The following NHSL1 variants were observed in gnomAD, a reference collection of about 807,000 sequenced individuals.
NHSL1 encodes NHS-like protein 1.
NHSL1 carries 48 observed loss-of-function variants against 95.0 expected under a neutral mutation model. That is an observed-to-expected ratio of 0.51 (90% CI 0.40 to 0.64). The LOEUF is 0.64. Among genes scored for constraint, NHSL1 ranks in the 30% least tolerant of loss-of-function variants. The pLI, the probability that NHSL1 is intolerant of heterozygous loss-of-function variation, is 0.00. For synonymous variants in NHSL1, 783 were observed against 833.9 expected, an observed-to-expected ratio of 0.94 and a Z score of 1.05; for missense variants, 1,971 against 2,077.7, an observed-to-expected ratio of 0.95 and a Z score of 1.00.
Position 138,431,218 on chromosome 6 carries a change from G to T in NHSL1, c.3127C>A (p.Gln1043Lys). ...AAGGATCCCCGGGAGGATTCTGGCT[G>T]GCCAGAATTTGTGAAAGGCGGCCTG... Reference protein sequence around the residue: ...DTRPPFTNSGQPESSRGSLRP... With the variant: ...DTRPPFTNSGKPESSRGSLRP... The change falls in exon 6 of 8, where the codon CAG (glutamine) becomes AAG (lysine). Residue 1043 changes from glutamine to lysine, a missense_variant. Physicochemically the swap from Gln to Lys is moderately conservative, Grantham distance 53 (BLOSUM62 1). Transcript: ENST00000343505. This position sits in a 1 kb window ranked among gnomAD's most constrained non-coding sequence, Gnocchi z 4.0. 6.5e-7 allele frequency: 1 copy of T among 1,529,544 alleles called. No homozygotes were observed. Among genetic ancestry groups the T allele is most frequent in the South Asian group, 1.2e-5 (1 of 81,520 alleles). 94.7% of individuals were successfully genotyped at this position (1,529,544 alleles called of 1,614,324 possible).
At chr6:138,492,178 A>G (rs1780116951) in intron 2 of NHSL1, among the ~76,000 whole-genome samples, 1 of 152,224 alleles carries the variant, frequency 6.6e-6, no homozygotes, top group Non-Finnish European at 1.5e-5. Context: ...TCCAAATGCC[A>G]TTTTACACAT....
intron 1 of NHSL1, among the ~76,000 whole-genome samples, chr6:138,570,886 C>T (rs1259889332): frequency 1.3e-5 from 2 of 152,360 alleles, no homozygotes; most frequent in East Asian, 3.9e-4. Flanking sequence ...CCCTACTGGG[C>T]TTTGCCCACT....
rs141195256 is a variant in NHSL1, at chr6:138,525,528, AAAATAAATAAATAAATAAAT to A, written c.16+20075_16+20094del. ...GAACAACGAAGTGAGACCTTGTCTCAAAATAAATAAATAAATAAATAAATAAATAAATAAATAAATAAATA... is the reference window on the plus strand; with the variant it reads ...GAACAACGAAGTGAGACCTTGTCTCAAAATAAATAAATAAATAAATAAATA... On this transcript the variant is annotated intron_variant, in intron 1 of 4. Transcript: ENST00000342260. 9.7e-4 allele frequency among the ~76,000 whole-genome samples: 135 copies of A among 139,654 alleles called. 1 individual carries two copies. In the Middle Eastern group the frequency reaches 0.014, roughly 15 times the overall value. 91.6% of individuals were successfully genotyped at this position (139,654 alleles called of 152,430 possible).
At chr6:138,487,557 G>A (rs577418150) in intron 2 of NHSL1, among the ~76,000 whole-genome samples, 2 of 152,240 alleles carry the variant, frequency 1.3e-5, no homozygotes, top group East Asian at 1.9e-4. Flanking sequence ...CTCAGCCATC[G>A]GTAATATCTT....
chr6:138,451,422 T>C (rs191054118), intron 3 of NHSL1, among the ~76,000 whole-genome samples: 183 of 152,296 alleles, frequency 1.2e-3, no homozygotes, highest in Admixed American at 2.5e-3. Flanking sequence ...CCCCTTTCCC[T>C]GCTTTTTTTC....
At position 138,431,542 on chromosome 6, in the gene NHSL1, C is replaced by CAGGAGGAGG. The variant is rs761393458; in HGVS notation, c.2794_2802dup (p.Pro932_Pro934dup). On this transcript the variant is annotated inframe_insertion, in exon 6 of 8. Transcript: ENST00000343505. The surrounding 1 kb of genome is among the most constrained non-coding windows in gnomAD (Gnocchi z 4.0). ...GGACAAGGGAATGGAGGAGAGGGAA[C>CAGGAGGAGG]AGGAGGAGGAGGAGGAGCCGGGGGA... 2.1e-5 allele frequency: 32 copies of CAGGAGGAGG among 1,549,818 alleles called. No individual in the cohort carries two copies. Among genetic ancestry groups the CAGGAGGAGG allele is most frequent in the Non-Finnish European group, 2.6e-5 (30 of 1,145,996 alleles).
In NHSL1 at chr6:138,437,373, CACATATATATAT is replaced by C. The variant is rs1562270436; in HGVS notation, c.665-3705_665-3694del. ...ATATATATACACATATATATATATA[CACATATATATAT>C]ACACATATATATATATATACACACA... On this transcript the variant is annotated intron_variant, in intron 5 of 7. Transcript: ENST00000343505. Among the ~76,000 whole-genome samples the C allele has an allele frequency of 5.0e-4, 46 of 91,812 alleles. 2 individuals carry two copies. Among genetic ancestry groups the C allele is most frequent in the African/African-American group, 2.2e-3 (44 of 19,566 alleles). The allele number at this position is 91,812 out of a possible 152,430, so 60.2% of individuals were successfully genotyped here. A position where few individuals can be genotyped will look rare whatever the true frequency, so the allele number is the denominator to read the frequency against.
chr6:138,577,430 T>C (rs1783988370), upstream of NHSL1, among the ~76,000 whole-genome samples: 1 of 152,190 alleles, frequency 6.6e-6, no homozygotes, highest in South Asian at 2.1e-4. Flanking sequence ...GGCAGCACCC[T>C]GAAGTTAGAA....
At chr6:138,592,174 C>G (rs1169363589) in intron 1 of NHSL1, among the ~76,000 whole-genome samples, 1 of 152,176 alleles carries the variant, frequency 6.6e-6, no homozygotes, top group Admixed American at 6.5e-5. Context: ...CATATTATCA[C>G]TTTTCAAGAT....
intron 1 of NHSL1, among the ~76,000 whole-genome samples, chr6:138,529,563 G>C (rs367765970): frequency 4.6e-5 from 7 of 152,170 alleles, no homozygotes; most frequent in East Asian, 1.9e-4. Flanking sequence ...GCCTTGCTTA[G>C]GGTCTCACAA....
rs1215263800 is a variant in NHSL1, at chr6:138,422,789, A to G, written c.*1292T>C. The G allele has an allele frequency of 6.6e-6, 1 of 152,216 alleles. No homozygotes were observed. Among genetic ancestry groups the G allele is most frequent in the Non-Finnish European group, 1.5e-5 (1 of 68,036 alleles). 9.4% of individuals were successfully genotyped at this position (152,216 alleles called of 1,614,324 possible). ...AACAAATATAAAAATGCACAAACCA[A>G]ATGATGCAAAAAAACCTTTTTAATC... On this transcript the variant is annotated 3_prime_UTR_variant, in exon 8 of 8. Coordinates refer to ENST00000343505, the MANE Select transcript of NHSL1 (RefSeq NM_001144060.2).
chr6:138,512,383 C>T, intron 1 of NHSL1: 1 of 446,952 alleles, frequency 2.2e-6, no homozygotes, highest in Non-Finnish European at 4.5e-6. Context: ...CTCGTTCCGG[C>T]ACGATGTCCC....
At chr6:138,518,623 GT>G (rs1160974892) in intron 1 of NHSL1, among the ~76,000 whole-genome samples, 1 of 151,952 alleles carries the variant, frequency 6.6e-6, no homozygotes, top group Admixed American at 6.6e-5. Flanking sequence ...AACTAGAAAT[GT>G]TTATGTTTGG....
chr6:138,619,423 A>C (rs997568678), intron 1 of NHSL1, among the ~76,000 whole-genome samples: 1 of 152,254 alleles, frequency 6.6e-6, no homozygotes, highest in South Asian at 2.1e-4. Flanking sequence ...ATAATCCTTA[A>C]TGTGCTAAGA....
intron 1 of NHSL1, among the ~76,000 whole-genome samples, chr6:138,530,587 A>G (rs1039508829): frequency 6.6e-6 from 1 of 152,240 alleles, no homozygotes. Flanking sequence ...ACCATAGAAT[A>G]CTACTCAGCC....
At chr6:138,523,515 C>T (rs1038768839) in intron 1 of NHSL1, among the ~76,000 whole-genome samples, 1 of 151,236 alleles carries the variant, frequency 6.6e-6, no homozygotes, top group Non-Finnish European at 1.5e-5. Flanking sequence ...CGCTACGTTG[C>T]CCAGGCTGGT....
chr6:138,672,175 C>T (rs1378490853), intron 1 of NHSL1, among the ~76,000 whole-genome samples: 1 of 152,146 alleles, frequency 6.6e-6, no homozygotes, highest in Non-Finnish European at 1.5e-5. Context: ...GCTCATTCAC[C>T]AAGAGAGACT....
chr6:138,534,349 G>A (rs1445239872), intron 1 of NHSL1, among the ~76,000 whole-genome samples: 3 of 151,964 alleles, frequency 2.0e-5, no homozygotes, highest in South Asian at 4.2e-4. Context: ...GGTACATGAC[G>A]ACCCCACAAA....
intron 1 of NHSL1, among the ~76,000 whole-genome samples, chr6:138,512,700 G>A (rs1781288052): frequency 6.6e-6 from 1 of 152,142 alleles, no homozygotes; most frequent in Non-Finnish European, 1.5e-5. Flanking sequence ...TGTGTAGAAT[G>A]TCCTAAAAAC....
Sources: allele counts gnomAD v4.1 joint callset (sites outside exome capture counted in the v4.1 genomes callset), GRCh38; gene constraint gnomAD v4.1.1; non-coding constraint Gnocchi (gnomAD v3.1); transcripts MANE v1.5; gene names NCBI Gene and HGNC (gene_info 2026-07-23, HGNC 2026-07-21).